TOM1L1: variants seen among roughly 807,000 people sequenced by gnomAD.
TOM1L1 encodes the protein TOM1-like protein 1.
In TOM1L1, 64 loss-of-function variants were observed where a neutral mutation model predicts 63.4. That is an observed-to-expected ratio of 1.01 (90% CI 0.83 to 1.24). TOM1L1 has a LOEUF of 1.24. Ranked by LOEUF, TOM1L1 falls within the 50% of genes most tolerant of loss-of-function variation. TOM1L1 has a pLI of 0.00. For missense variants in TOM1L1, 536 were observed against 567.0 expected, an observed-to-expected ratio of 0.95 and a Z score of 0.55; for synonymous variants, 166 against 194.4, an observed-to-expected ratio of 0.85 and a Z score of 1.22.
At chr17:54,937,781 T>A (rs1321771352) in intron 10 of TOM1L1, 1 of 151,808 alleles carries the variant, frequency 6.6e-6, no homozygotes, top group African/African-American at 2.4e-5. Context: ...AAAGGGTGGT[T>A]GTCAAGGTTA....
At chr17:54,924,080 A>C (rs2048727861) in intron 7 of TOM1L1, among the ~76,000 whole-genome samples, 1 of 151,796 alleles carries the variant, frequency 6.6e-6, no homozygotes, top group East Asian at 1.9e-4. Flanking sequence ...TTGGAGTAAA[A>C]CTAGACCTCT....
At chr17:54,941,296 A>G (rs1016660319) in intron 11 of TOM1L1, among the ~76,000 whole-genome samples, 1 of 152,184 alleles carries the variant, frequency 6.6e-6, no homozygotes, top group African/African-American at 2.4e-5. Context: ...TTACTTTTCT[A>G]TATTTAAAAG....
chr17:54,929,741 GTT>G (rs61518775), intron 7 of TOM1L1, among the ~76,000 whole-genome samples: 3 of 142,012 alleles, frequency 2.1e-5, no homozygotes, highest in Non-Finnish European at 3.1e-5. Context: ...AAAAACATGT[GTT>G]TTTTTTTTTT....
intron 14 of TOM1L1, among the ~76,000 whole-genome samples, chr17:54,958,879 G>A (rs1173897569): frequency 6.6e-6 from 1 of 152,110 alleles, no homozygotes; most frequent in East Asian, 1.9e-4. Flanking sequence ...AATAGGATCT[G>A]GCATAGAAGG....
At chr17:54,927,487 A>G (rs2048787649) in intron 7 of TOM1L1, among the ~76,000 whole-genome samples, 2 of 152,184 alleles carry the variant, frequency 1.3e-5, no homozygotes, top group South Asian at 4.1e-4. Context: ...TGGATATCAG[A>G]AGAGGAAGCT....
intron 8 of TOM1L1, among the ~76,000 whole-genome samples, chr17:54,932,584 C>A (rs1265436884): frequency 1.3e-5 from 2 of 152,112 alleles, no homozygotes; most frequent in African/African-American, 4.8e-5. Flanking sequence ...TCATGCCTGG[C>A]TAGTTTTTGT....
intron 14 of TOM1L1, among the ~76,000 whole-genome samples, chr17:54,958,808 G>A (rs913407874): frequency 1.3e-5 from 2 of 151,408 alleles, no homozygotes; most frequent in African/African-American, 4.9e-5. Flanking sequence ...TGGAATTAAA[G>A]GCTGTACTTT....
intron 8 of TOM1L1, among the ~76,000 whole-genome samples, chr17:54,934,070 A>C (rs913220718): frequency 1.3e-5 from 2 of 152,184 alleles, no homozygotes; most frequent in Non-Finnish European, 2.9e-5. Flanking sequence ...GGCTCAGTGA[A>C]TCTGCACTTC....
At chr17:54,938,878 A>G in intron 10 of TOM1L1, 46 bp from the exon 11 acceptor site, 1 of 1,170,382 alleles carries the variant, frequency 8.5e-7, no homozygotes, top group Non-Finnish European at 1.2e-6. Flanking sequence ...AGCATAACTG[A>G]CTGACAAAAT....
At chr17:54,932,676 CT>C (rs2048883070) in intron 8 of TOM1L1, among the ~76,000 whole-genome samples, 1 of 152,176 alleles carries the variant, frequency 6.6e-6, no homozygotes, top group Admixed American at 6.5e-5. Context: ...CCTCCTTGGC[CT>C]CCCAAAGTGC....
chr17:54,913,868 CAA>C lies in TOM1L1; in HGVS notation c.494_495del (p.Gln165ArgfsTer43), dbSNP rs2048539346. ...AGAAGCAGAGGCTGAAACAGCAAGACAAGAGGTAGGAGGCCTTTCTTTGACCC... is the reference window on the plus strand; with the variant it reads ...AGAAGCAGAGGCTGAAACAGCAAGACGAGGTAGGAGGCCTTTCTTTGACCC... ...PSEAEAETAR[Q>X]ETAQISSNPP... On this transcript the variant is annotated frameshift_variant, in exon 5 of 16. Coordinates refer to ENST00000575882, the MANE Select transcript of TOM1L1 (RefSeq NM_005486.3). LOFTEE classifies it high-confidence loss of function. The C allele has an allele frequency of 5.0e-6, 8 of 1,606,858 alleles. No individual in the cohort carries two copies. Among genetic ancestry groups the C allele is most frequent in the Non-Finnish European group, 6.0e-6 (7 of 1,175,534 alleles).
intron 3 of TOM1L1, among the ~76,000 whole-genome samples, chr17:54,908,510 G>T (rs1408327289): frequency 1.3e-5 from 2 of 152,114 alleles, no homozygotes; most frequent in Non-Finnish European, 2.9e-5. Context: ...CCCTATATAT[G>T]ACATTTCCAT....
At position 54,937,141 on chromosome 17, in the gene TOM1L1, TCTC is replaced by T; in HGVS notation, c.952_954del (p.Leu318del). 6.2e-7 allele frequency: 1 copy of T among 1,613,094 alleles called. No individual in the cohort carries two copies. The highest frequency in any genetic ancestry group is 8.5e-7 in the Non-Finnish European group (1 of 1,179,794). On this transcript the variant is annotated inframe_deletion, in exon 10 of 16. Coordinates refer to ENST00000575882, the MANE Select transcript of TOM1L1 (RefSeq NM_005486.3). ...GTGAGCCTTCTGCCCCATCTCAAGA[TCTC>T]CTCGACCTAAGTCCCAGTCCCCGGA... is the stretch of plus-strand genomic sequence containing the variant.
At chr17:54,932,935 A>G (rs534153647) in intron 8 of TOM1L1, among the ~76,000 whole-genome samples, 43 of 152,342 alleles carry the variant, frequency 2.8e-4, no homozygotes, top group Middle Eastern at 3.4e-3. Flanking sequence ...TATTTGGTCT[A>G]GCTCTCAGGA....
chr17:54,957,401 T>C (rs2049570297), intron 14 of TOM1L1: 2 of 152,224 alleles, frequency 1.3e-5, no homozygotes, highest in African/African-American at 4.8e-5. Flanking sequence ...TAACTAGGTA[T>C]GCTTTCTAGA....
chr17:54,915,105 T>C (rs573599800), intron 6 of TOM1L1, among the ~76,000 whole-genome samples: 1 of 152,380 alleles, frequency 6.6e-6, no homozygotes, highest in Admixed American at 6.5e-5. Flanking sequence ...GTCTTATTAC[T>C]TGTATTTATT....
At chr17:54,928,993 G>A (rs2048813015) in intron 7 of TOM1L1, among the ~76,000 whole-genome samples, 2 of 152,136 alleles carry the variant, frequency 1.3e-5, no homozygotes, top group South Asian at 4.2e-4. Context: ...GTTTCATGAA[G>A]CATACATACA....
intron 14 of TOM1L1, chr17:54,959,075 G>C (rs2077038555): frequency 6.6e-6 from 1 of 152,206 alleles, no homozygotes; most frequent in African/African-American, 2.4e-5. Context: ...GTTTCTACCA[G>C]AGAGTTTAGA....
intron 7 of TOM1L1, chr17:54,916,200 A>G: frequency 2.8e-6 from 1 of 362,490 alleles, no homozygotes. Flanking sequence ...ATAGGAAGGG[A>G]TGTAGAAATG....
Sources: gnomAD v4.1 joint callset for allele counts (sites outside exome capture counted in the v4.1 genomes callset) on GRCh38, gnomAD v4.1.1 for gene constraint, MANE v1.5 for transcripts, NCBI Gene and HGNC (gene_info 2026-07-23, HGNC 2026-07-21) for gene names.